SND1: variants seen among roughly 807,000 people sequenced by gnomAD.
SND1 encodes the protein staphylococcal nuclease and tudor domain containing 1, also known as staphylococcal nuclease domain-containing protein 1.
Under a neutral mutation model 121.7 loss-of-function variants are expected in SND1, and 38 were observed. The observed-to-expected ratio is 0.31, with a 90% CI of 0.24 to 0.41. SND1 has a LOEUF of 0.41. Ranked by LOEUF, SND1 falls within the 10% of genes least tolerant of loss-of-function variation. The pLI, the probability that SND1 is intolerant of heterozygous loss-of-function variation, is 1.00. For missense variants in SND1, 868 were observed against 1,184.6 expected (o/e 0.73, Z 3.92); for synonymous variants, 401 against 447.4 (o/e 0.90, Z 1.31).
intron 9 of SND1, chr7:127,718,666 C>T (rs1204900210): frequency 7.1e-6 from 7 of 985,182 alleles, no homozygotes; most frequent in East Asian, 1.1e-4. Flanking sequence ...TCATTGCTGC[C>T]GTTGCTGCTA....
At chr7:127,975,056 C>G (rs1802081930) in intron 15 of SND1, among the ~76,000 whole-genome samples, 1 of 152,130 alleles carries the variant, frequency 6.6e-6, no homozygotes, top group African/African-American at 2.4e-5. Flanking sequence ...TGTGACTGGC[C>G]ACTTGATTTT....
At chr7:127,695,736 G>A (rs765566302) in intron 3 of SND1, among the ~76,000 whole-genome samples, 3 of 152,186 alleles carry the variant, frequency 2.0e-5, no homozygotes, top group Admixed American at 6.5e-5. Flanking sequence ...TGAGGTGGGA[G>A]AATCACCTGA....
intron 10 of SND1, among the ~76,000 whole-genome samples, chr7:127,725,870 G>C (rs568905186): frequency 8.2e-4 from 125 of 152,212 alleles, no homozygotes; most frequent in Admixed American, 3.1e-3. Context: ...TTCTAGGGCG[G>C]GCCTCCACTG....
rs1421337643 is a variant in SND1 at position 128,038,229 on chromosome 7, A to G, written c.1780-36273A>G. Among the ~76,000 whole-genome samples, 5 of 152,252 alleles carry G rather than the reference A, an allele frequency of 3.3e-5. No individual in the cohort carries two copies. The East Asian group carries it at 7.7e-4, about 23-fold the overall frequency. ...AACAATATTTTTTCCCAAATGGACT[A>G]ATACAAAATTTGCCACATAAGAGCA... is the stretch of plus-strand genomic sequence containing the variant. On this transcript the variant is annotated intron_variant, in intron 16 of 23. Coordinates refer to ENST00000354725, the MANE Select transcript of SND1 (RefSeq NM_014390.4).
At chr7:127,993,746 C>G (rs1294965152) in intron 16 of SND1, among the ~76,000 whole-genome samples, 1 of 152,224 alleles carries the variant, frequency 6.6e-6, no homozygotes, top group Non-Finnish European at 1.5e-5. Context: ...CAGAATTTCT[C>G]TATCCCCTGC....
intron 14 of SND1, among the ~76,000 whole-genome samples, chr7:127,925,432 T>C (rs1800808799): frequency 6.6e-6 from 1 of 152,084 alleles, no homozygotes; most frequent in African/African-American, 2.4e-5. Context: ...CCAGACCTTA[T>C]GTAAGGAAGC....
chr7:127,757,923 C>A (rs890835875), intron 10 of SND1, among the ~76,000 whole-genome samples: 1 of 152,122 alleles, frequency 6.6e-6, no homozygotes, highest in African/African-American at 2.4e-5. Context: ...ACATTCATTT[C>A]TTGTCTTCTC....
At chr7:127,759,947 C>G (rs755299954) in intron 10 of SND1, among the ~76,000 whole-genome samples, 14 of 152,096 alleles carry the variant, frequency 9.2e-5, no homozygotes, top group Non-Finnish European at 2.1e-4. Context: ...AGGAATGTAC[C>G]CTATAGTGCC....
At chr7:127,837,992 A>AT (rs1205519528) in intron 11 of SND1, among the ~76,000 whole-genome samples, 1 of 152,176 alleles carries the variant, frequency 6.6e-6, no homozygotes, top group African/African-American at 2.4e-5. Context: ...CCCTACTGCT[A>AT]TGTTGTTCCC....
intron 11 of SND1, among the ~76,000 whole-genome samples, chr7:127,828,085 C>G (rs1798675474): frequency 6.6e-6 from 1 of 152,160 alleles, no homozygotes; most frequent in Non-Finnish European, 1.5e-5. Flanking sequence ...AAGACTCTGC[C>G]TCACAGGTTC....
rs1274300308 is a variant in SND1, at chr7:127,996,191, G to A, written c.1779+5135G>A. 4.6e-5 allele frequency among the ~76,000 whole-genome samples: 7 copies of A among 152,162 alleles called. No homozygotes were observed. The South Asian group carries it at 1.5e-3, about 32-fold the overall frequency. On this transcript the variant is annotated intron_variant, in intron 16 of 23. Transcript: ENST00000354725. ...ACATTATAAGCAACTGTTGCCATTG[G>A]GGAAAAAAAAGTATTTACGTTTCAG... is the stretch of plus-strand genomic sequence containing the variant.
Position 128,053,801 on chromosome 7 carries a change from C to T in SND1, c.1780-20701C>T, listed in dbSNP as rs563192666. ...GGAAGGATTCTCTGGTATTGCTTCC[C>T]TGGAGATACACTAGCCAGAATCAGC... is the stretch of plus-strand genomic sequence containing the variant. On this transcript the variant is annotated intron_variant, in intron 16 of 23. Coordinates refer to ENST00000354725, the MANE Select transcript of SND1 (RefSeq NM_014390.4). Among the ~76,000 whole-genome samples, 180 of 152,262 alleles carry T rather than the reference C, an allele frequency of 1.2e-3. 1 individual carries two copies. Among genetic ancestry groups the T allele is most frequent in the African/African-American group, 4.0e-3 (167 of 41,556 alleles).
At chr7:127,740,924 T>A (rs2116433621) in intron 10 of SND1, among the ~76,000 whole-genome samples, 1 of 152,356 alleles carries the variant, frequency 6.6e-6, no homozygotes, top group South Asian at 2.1e-4. Flanking sequence ...TATAAAGTAA[T>A]CATATTCTTT....
intron 16 of SND1, among the ~76,000 whole-genome samples, chr7:128,036,086 G>C (rs1279285899): frequency 6.6e-6 from 1 of 152,212 alleles, no homozygotes; most frequent in African/African-American, 2.4e-5. Flanking sequence ...AAGTAGTATG[G>C]AAATTGCCCT....
chr7:127,722,911 C>A (rs921801214), intron 10 of SND1, among the ~76,000 whole-genome samples: 1 of 152,154 alleles, frequency 6.6e-6, no homozygotes, highest in Non-Finnish European at 1.5e-5. Flanking sequence ...AAATAAGGTT[C>A]TCTCAGTAAC....
intron 16 of SND1, among the ~76,000 whole-genome samples, chr7:128,038,392 T>G (rs558768979): frequency 6.6e-6 from 1 of 152,374 alleles, no homozygotes; most frequent in South Asian, 2.1e-4. Context: ...GTTAGTTGTT[T>G]AAGCCCCAGA....
intron 16 of SND1, among the ~76,000 whole-genome samples, chr7:128,043,801 T>C (rs1271652828): frequency 1.3e-5 from 2 of 151,534 alleles, no homozygotes; most frequent in Non-Finnish European, 1.5e-5. Flanking sequence ...ATACACAATA[T>C]GTAAAGATAC....
chr7:128,072,116 G>A (rs921475566), intron 16 of SND1, among the ~76,000 whole-genome samples: 12 of 152,226 alleles, frequency 7.9e-5, no homozygotes, highest in African/African-American at 2.9e-4. Flanking sequence ...CTCAGAGAGC[G>A]AGGTGTGAAT....
chr7:127,981,279 A>G (rs951209883), intron 15 of SND1, among the ~76,000 whole-genome samples: 1 of 152,208 alleles, frequency 6.6e-6, no homozygotes, highest in Non-Finnish European at 1.5e-5. Context: ...CAGGAAAAAA[A>G]AAAAATTTTT....
Sources: allele counts gnomAD v4.1 joint callset (sites outside exome capture counted in the v4.1 genomes callset), GRCh38; gene constraint gnomAD v4.1.1; transcripts MANE v1.5; gene names NCBI Gene and HGNC (gene_info 2026-07-23, HGNC 2026-07-21).